The following ENTREP1 variants were observed in gnomAD, a reference collection of about 807,000 sequenced individuals.
ENTREP1 encodes the protein Friedreich ataxia region gene X123.
At chr9:69,324,857 C>A in the ENTREP1 span, 1 of 985,206 alleles carries the variant, frequency 1.0e-6, no homozygotes, top group Non-Finnish European at 1.2e-6. Context: ...CCCAGCTCGG[C>A]GGGTGGGGAC....
the ENTREP1 span, chr9:69,377,222 G>A: frequency 1.4e-4 from 93 of 644,974 alleles, 2 homozygotes; most frequent in Middle Eastern, 1.8e-3. Flanking sequence ...CTTTCCACGA[G>A]CCAAACACCA....
At chr9:69,392,153 A>C in the ENTREP1 span, 11 of 303,680 alleles carry the variant, frequency 3.6e-5, no homozygotes, top group African/African-American at 1.9e-4. Flanking sequence ...CTTTGTTGCT[A>C]AGTTCTTTCC....
chr9:69,330,736 A>G, the ENTREP1 span, among the ~76,000 whole-genome samples: 4 of 152,164 alleles, frequency 2.6e-5, no homozygotes, highest in South Asian at 2.1e-4. Flanking sequence ...TTTATTTTGC[A>G]TATCAGCAGA....
At chr9:69,337,616 A>G in the ENTREP1 span, among the ~76,000 whole-genome samples, 113 of 152,236 alleles carry the variant, frequency 7.4e-4, no homozygotes, top group African/African-American at 2.5e-3. Flanking sequence ...ATTTTGATTC[A>G]GCGACTGTAA....
the ENTREP1 span, among the ~76,000 whole-genome samples, chr9:69,355,105 T>C: frequency 2.6e-5 from 4 of 152,206 alleles, no homozygotes; most frequent in African/African-American, 9.7e-5. Context: ...ATAATTTAGT[T>C]TACTGTAAAA....
chr9:69,354,335 C>A, the ENTREP1 span, among the ~76,000 whole-genome samples: 1 of 146,798 alleles, frequency 6.8e-6, no homozygotes, highest in Non-Finnish European at 1.5e-5. Flanking sequence ...TGGCTCACGG[C>A]AACCTCTGTT....
the ENTREP1 span, chr9:69,382,909 A>C: frequency 2.3e-6 from 1 of 440,440 alleles, no homozygotes; most frequent in Non-Finnish European, 3.0e-6. Flanking sequence ...TCCATAGCAG[A>C]ATGCAGGTGT....
the ENTREP1 span, among the ~76,000 whole-genome samples, chr9:69,376,326 T>C: frequency 6.6e-6 from 1 of 152,292 alleles, no homozygotes; most frequent in African/African-American, 2.4e-5. Flanking sequence ...ACACGTAGAC[T>C]AAGGAGAGAG....
At chr9:69,391,719 G>T in the ENTREP1 span, 1 of 1,613,800 alleles carries the variant, frequency 6.2e-7, no homozygotes, top group African/African-American at 1.3e-5. Context: ...CCAGCGGGGA[G>T]GCCCCGAGCC....
chr9:69,330,250 G>A, the ENTREP1 span, among the ~76,000 whole-genome samples: 4 of 152,168 alleles, frequency 2.6e-5, no homozygotes, highest in Non-Finnish European at 1.5e-5. Context: ...TGAAAGAGGA[G>A]AGAGAGTTGC....
chr9:69,326,908 A>G, the ENTREP1 span, among the ~76,000 whole-genome samples: 1 of 151,532 alleles, frequency 6.6e-6, no homozygotes, highest in African/African-American at 2.4e-5. Context: ...CTGAAAGTCT[A>G]GCAATGCTGC....
the ENTREP1 span, among the ~76,000 whole-genome samples, chr9:69,385,101 A>G: frequency 6.6e-6 from 1 of 151,968 alleles, no homozygotes; most frequent in East Asian, 1.9e-4. Context: ...TTGAATTTTT[A>G]GTGGAGATGG....
chr9:69,352,119 A>AT, the ENTREP1 span, among the ~76,000 whole-genome samples: 4 of 151,234 alleles, frequency 2.6e-5, no homozygotes, highest in Non-Finnish European at 4.4e-5. Flanking sequence ...GTATTGTTAG[A>AT]TTTTTTTCTT....
At chr9:69,373,030 A>AT in the ENTREP1 span, among the ~76,000 whole-genome samples, 8 of 108,170 alleles carry the variant, frequency 7.4e-5, no homozygotes, top group African/African-American at 1.4e-4. Flanking sequence ...AAATTGAGTT[A>AT]TTTTTTTTTT....
chr9:69,374,478 T>C, the ENTREP1 span, among the ~76,000 whole-genome samples: 2 of 152,126 alleles, frequency 1.3e-5, no homozygotes, highest in South Asian at 2.1e-4. Context: ...TTAAAGGGCT[T>C]AAACTCACCA....
chr9:69,370,845 A>C, the ENTREP1 span, among the ~76,000 whole-genome samples: 3 of 152,186 alleles, frequency 2.0e-5, no homozygotes, highest in Non-Finnish European at 4.4e-5. Context: ...TTTCTTAATA[A>C]TCATGGCTCT....
At chr9:69,349,567 G>A in the ENTREP1 span, among the ~76,000 whole-genome samples, 1 of 152,106 alleles carries the variant, frequency 6.6e-6, no homozygotes, top group Non-Finnish European at 1.5e-5. Flanking sequence ...TTGGAGAAAT[G>A]TCTATTCAGA....
chr9:69,377,026 C>T, the ENTREP1 span, among the ~76,000 whole-genome samples: 9 of 152,226 alleles, frequency 5.9e-5, no homozygotes, highest in East Asian at 1.7e-3. Flanking sequence ...GGGAAATCAG[C>T]CTCAGAAGAG....
the ENTREP1 span, among the ~76,000 whole-genome samples, chr9:69,360,851 A>G: frequency 6.8e-4 from 103 of 152,242 alleles, no homozygotes; most frequent in Non-Finnish European, 1.5e-4. Flanking sequence ...GATTTCTGAG[A>G]AAAGGGTATA....
Sources: allele counts gnomAD v4.1 joint callset (sites outside exome capture counted in the v4.1 genomes callset), GRCh38; gene constraint gnomAD v4.1.1; transcripts MANE v1.5; gene names NCBI Gene and HGNC (gene_info 2026-07-23, HGNC 2026-07-21).